The following CCDC171 variants were observed in gnomAD, a reference collection of about 807,000 sequenced individuals.
The protein encoded by CCDC171 is coiled-coil domain-containing protein 171.
Under a neutral mutation model 168.2 loss-of-function variants are expected in CCDC171, and 177 were observed. The observed-to-expected ratio is 1.05, with a 90% CI of 0.93 to 1.19. The LOEUF (loss-of-function observed/expected upper bound fraction) is 1.19. Among genes scored for constraint, CCDC171 ranks in the 50% most tolerant of loss-of-function variants. The pLI, the probability that CCDC171 is intolerant of heterozygous loss-of-function variation, is 0.00. For synonymous variants in CCDC171, 687 were observed against 540.8 expected (o/e 1.27, Z -3.75); for missense variants, 1,991 against 1,539.0 (o/e 1.29, Z -4.91).
chr9:15,792,894 G>A (rs1035155754), intron 21 of CCDC171, among the ~76,000 whole-genome samples: 7 of 151,954 alleles, frequency 4.6e-5, no homozygotes, highest in African/African-American at 7.3e-5. Flanking sequence ...GACCATCGAG[G>A]CTAGGAAGAA....
intron 10 of CCDC171, among the ~76,000 whole-genome samples, chr9:15,685,255 G>A (rs1189482865): frequency 6.6e-6 from 1 of 152,096 alleles, no homozygotes; most frequent in Non-Finnish European, 1.5e-5. Flanking sequence ...TTTAGCTAAT[G>A]GATTCTGTTT....
At chr9:15,884,216 A>G (rs1487462074) in intron 24 of CCDC171, among the ~76,000 whole-genome samples, 1 of 152,118 alleles carries the variant, frequency 6.6e-6, no homozygotes, top group Non-Finnish European at 1.5e-5. Flanking sequence ...CAGTTTCCTC[A>G]TCAGTAAAAT....
At chr9:15,778,005 C>G (rs553889767) in intron 19 of CCDC171, among the ~76,000 whole-genome samples, 179 bp downstream of exon 19, 1 of 151,928 alleles carries the variant, frequency 6.6e-6, no homozygotes, top group Non-Finnish European at 1.5e-5. Flanking sequence ...TATCTAAATA[C>G]AAAAATCACT....
Position 15,566,209 on chromosome 9 carries a change from T to C in CCDC171, c.41+2080T>C, listed in dbSNP as rs532957469. 2.1e-4 allele frequency among the ~76,000 whole-genome samples: 32 copies of C among 151,288 alleles called. No individual in the cohort carries two copies. The East Asian group carries it at 6.0e-3, about 28-fold the overall frequency. On this transcript the variant is annotated intron_variant, in intron 2 of 25. Coordinates refer to ENST00000380701, the MANE Select transcript of CCDC171 (RefSeq NM_173550.4). ...TTTTAAATTGTGTTTTTTTTTTTTA[T>C]GTTATTGAGCTTTAGGAGTGTTTGT...
At position 15,957,980 on chromosome 9, in the gene CCDC171, A is replaced by T. The variant is rs148793810; in HGVS notation, c.3754-13629A>T. ...ACACTTCGAAAGGAGGAATTGAAGA[A>T]AGTTGGAATTAAAGAAAATGAAGTT... On this transcript the variant is annotated intron_variant, in intron 25 of 25. Transcript: ENST00000380701. 1.1e-4 allele frequency among the ~76,000 whole-genome samples: 16 copies of T among 152,332 alleles called. No homozygotes were observed. The East Asian group carries it at 2.1e-3, about 20-fold the overall frequency.
At chr9:15,877,225 C>T (rs1014611193) in intron 24 of CCDC171, among the ~76,000 whole-genome samples, 1 of 151,810 alleles carries the variant, frequency 6.6e-6, no homozygotes, top group Non-Finnish European at 1.5e-5. Context: ...CTACTGATCC[C>T]CGAGACTTGC....
intron 18 of CCDC171, among the ~76,000 whole-genome samples, chr9:15,747,854 A>C (rs1251485653): frequency 6.6e-6 from 1 of 152,202 alleles, no homozygotes; most frequent in African/African-American, 2.4e-5. Context: ...CTAAAGGATC[A>C]CAACTCCTCA....
intron 18 of CCDC171, among the ~76,000 whole-genome samples, chr9:15,774,362 A>G (rs141242258): frequency 1.3e-4 from 20 of 152,034 alleles, no homozygotes; most frequent in Admixed American, 3.3e-4. Context: ...AAAGTGCTCA[A>G]CATCACTAAG....
chr9:15,581,841 T>C lies in CCDC171; in HGVS notation c.352+2818T>C, dbSNP rs145553279. ...GCCATAAAAACCCTAGTAGAAAACC[T>C]AGGCAATACCATTCAGGACATAGGC... On this transcript the variant is annotated intron_variant, in intron 4 of 25. Transcript: ENST00000380701. Among the ~76,000 whole-genome samples the C allele has an allele frequency of 3.5e-3, 529 of 152,196 alleles. 7 individuals carry two copies. The highest frequency in any genetic ancestry group is 0.012 in the African/African-American group (477 of 41,442).
chr9:15,555,256 A>G (rs2038693770), intron 1 of CCDC171, among the ~76,000 whole-genome samples: 1 of 152,188 alleles, frequency 6.6e-6, no homozygotes, highest in Non-Finnish European at 1.5e-5. Context: ...TGGTGAGATT[A>G]GTTCAACTCC....
the CCDC171 span, among the ~76,000 whole-genome samples, chr9:16,095,899 T>TATATATATACACAC: frequency 7.1e-6 from 1 of 140,202 alleles, no homozygotes; most frequent in African/African-American, 2.7e-5. Flanking sequence ...TATATATATA[T>TATATATATACACAC]ACTGCCTCCA....
chr9:15,967,860 C>A (rs1339276795), intron 25 of CCDC171, among the ~76,000 whole-genome samples: 1 of 152,142 alleles, frequency 6.6e-6, no homozygotes, highest in Non-Finnish European at 1.5e-5. Context: ...AAATGTTACA[C>A]AGGAGACAAA....
At chr9:16,102,015 G>A in the CCDC171 span, among the ~76,000 whole-genome samples, 1 of 152,208 alleles carries the variant, frequency 6.6e-6, no homozygotes, top group Non-Finnish European at 1.5e-5. Flanking sequence ...CGAGTTTGTG[G>A]TAATGTGTTC....
intron 18 of CCDC171, among the ~76,000 whole-genome samples, chr9:15,754,185 T>C (rs1349549997): frequency 6.6e-6 from 1 of 152,182 alleles, no homozygotes; most frequent in African/African-American, 2.4e-5. Context: ...GTTTCCAATT[T>C]AGCATATGAA....
chr9:15,677,016 T>G (rs2049629093), intron 9 of CCDC171, among the ~76,000 whole-genome samples: 1 of 152,204 alleles, frequency 6.6e-6, no homozygotes, highest in Non-Finnish European at 1.5e-5. Flanking sequence ...TTCCCAGTGT[T>G]CTGAAATTTC....
At chr9:16,012,876 G>C (rs753146606) in intron 3 of CCDC171, among the ~76,000 whole-genome samples, 5 of 152,288 alleles carry the variant, frequency 3.3e-5, no homozygotes, top group South Asian at 2.1e-4. Context: ...TACAGGCAGA[G>C]AGCCCACCAG....
intron 21 of CCDC171, among the ~76,000 whole-genome samples, chr9:15,809,417 T>TC (rs1163563515): frequency 1.3e-5 from 2 of 152,176 alleles, no homozygotes; most frequent in African/African-American, 4.8e-5. Context: ...CTCACTGACT[T>TC]CAAGAATGAA....
At chr9:16,068,584 C>T in the CCDC171 span, among the ~76,000 whole-genome samples, 287 of 152,306 alleles carry the variant, frequency 1.9e-3, 1 homozygote, top group African/African-American at 6.8e-3. Context: ...TTAACTTTTC[C>T]GCTGTTGTTT....
intron 24 of CCDC171, among the ~76,000 whole-genome samples, chr9:15,905,241 A>G (rs949779501): frequency 4.6e-5 from 7 of 152,230 alleles, no homozygotes; most frequent in Non-Finnish European, 7.3e-5. Context: ...ACCACACTGC[A>G]CTTATTCCAA....
Sources: gnomAD v4.1 joint callset for allele counts (sites outside exome capture counted in the v4.1 genomes callset) on GRCh38, gnomAD v4.1.1 for gene constraint, MANE v1.5 for transcripts, NCBI Gene and HGNC (gene_info 2026-07-23, HGNC 2026-07-21) for gene names.